The following NTRK2 variants were observed in gnomAD, a reference collection of about 807,000 sequenced individuals.
NTRK2 encodes BDNF/NT-3 growth factors receptor.
NTRK2 carries 13 observed loss-of-function variants against 94.5 expected under a neutral mutation model. The ratio of observed to expected loss-of-function variants is 0.14; its 90% CI spans 0.09 to 0.22. NTRK2 has a LOEUF of 0.22. NTRK2 is among the 10% of genes least tolerant of loss of function. NTRK2 has a pLI of 1.00. For synonymous variants in NTRK2, 372 were observed against 407.4 expected, an observed-to-expected ratio of 0.91 and a Z score of 1.05; for missense variants, 639 against 1,071.2, an observed-to-expected ratio of 0.60 and a Z score of 5.63.
chr9:84,888,630 A>G (rs1587833212), intron 14 of NTRK2, among the ~76,000 whole-genome samples: 3 of 144,970 alleles, frequency 2.1e-5, no homozygotes, highest in East Asian at 4.0e-4. Flanking sequence ...AAAAAAAAAA[A>G]AAAAAAAAAA....
At chr9:84,700,707 G>A (rs1056831488) in intron 2 of NTRK2, among the ~76,000 whole-genome samples, 1 of 152,150 alleles carries the variant, frequency 6.6e-6, no homozygotes, top group African/African-American at 2.4e-5. Context: ...TATAGATGCT[G>A]TGTGTTCCTC....
chr9:84,866,355 T>A (rs1410090323), intron 13 of NTRK2, among the ~76,000 whole-genome samples: 1 of 152,218 alleles, frequency 6.6e-6, no homozygotes, highest in South Asian at 2.1e-4. Context: ...CTCGTTCTAG[T>A]GTCATAAAAT....
intron 12 of NTRK2, among the ~76,000 whole-genome samples, chr9:84,860,587 C>A (rs2075286909): frequency 6.6e-6 from 1 of 152,140 alleles, no homozygotes; most frequent in African/African-American, 2.4e-5. Flanking sequence ...CACATTGCTG[C>A]GGTTCAGAAC....
intron 14 of NTRK2, chr9:84,874,036 A>G (rs1177527589): frequency 2.8e-6 from 3 of 1,063,948 alleles, no homozygotes; most frequent in Non-Finnish European, 3.4e-6. Flanking sequence ...GAAGCATCCC[A>G]GCAGATGGAG....
At chr9:84,993,894 C>T (rs1829404096) in intron 17 of NTRK2, among the ~76,000 whole-genome samples, 1 of 152,214 alleles carries the variant, frequency 6.6e-6, no homozygotes, top group Non-Finnish European at 1.5e-5. Flanking sequence ...GCTTATTCTT[C>T]AGGTCTTGCT....
intron 11 of NTRK2, among the ~76,000 whole-genome samples, chr9:84,746,687 C>G (rs917815411): frequency 6.6e-6 from 1 of 152,090 alleles, no homozygotes; most frequent in Non-Finnish European, 1.5e-5. Context: ...TGCTTGCCAC[C>G]TGCCTTTTTC....
chr9:84,900,882 CT>C (rs917043596), intron 14 of NTRK2, among the ~76,000 whole-genome samples: 4 of 152,178 alleles, frequency 2.6e-5, no homozygotes, highest in East Asian at 3.9e-4. Context: ...AGTACAGAAA[CT>C]TTTTTTTCTT....
chr9:84,690,098 T>A lies in NTRK2; in HGVS notation c.213-12061T>A, dbSNP rs182798048. Among the ~76,000 whole-genome samples the A allele has an allele frequency of 3.5e-4, 54 of 152,294 alleles. No individual in the cohort carries two copies. The East Asian group carries it at 6.6e-3, about 19-fold the overall frequency. ...CTATAAAAATGACTGAAGGTTAACA[T>A]GAGAAGTGAAATGCTGAAGATAAAA... On this transcript the variant is annotated intron_variant, in intron 2 of 18. Transcript: ENST00000277120.
At chr9:84,769,419 A>G (rs1025453340) in intron 12 of NTRK2, among the ~76,000 whole-genome samples, 4 of 152,176 alleles carry the variant, frequency 2.6e-5, no homozygotes, top group African/African-American at 4.8e-5. Flanking sequence ...TTTCCTTTCT[A>G]TAGATAAAGA....
At chr9:84,678,308 G>A (rs1186266103) in intron 2 of NTRK2, among the ~76,000 whole-genome samples, 3 of 152,260 alleles carry the variant, frequency 2.0e-5, no homozygotes, top group Non-Finnish European at 4.4e-5. Context: ...CCTGTTAGCC[G>A]ACCTGGTCAC....
intron 14 of NTRK2, among the ~76,000 whole-genome samples, chr9:84,882,719 T>TGTGTGTGTGC (rs761042296): frequency 6.9e-6 from 1 of 145,742 alleles, no homozygotes; most frequent in South Asian, 2.1e-4. Flanking sequence ...TGTGTGTGTG[T>TGTGTGTGTGC]GCGCGCGCGC....
chr9:84,782,238 C>A (rs1371047170), intron 12 of NTRK2, among the ~76,000 whole-genome samples: 1 of 152,164 alleles, frequency 6.6e-6, no homozygotes, highest in Non-Finnish European at 1.5e-5. Context: ...TGCCAGGACT[C>A]ATGTTTTTAT....
chr9:84,736,896 C>T (rs537796766), intron 9 of NTRK2, among the ~76,000 whole-genome samples: 1 of 152,350 alleles, frequency 6.6e-6, no homozygotes, highest in East Asian at 1.9e-4. Context: ...GCGCTGAGTT[C>T]AGCCTGCCCT....
chr9:84,781,601 A>T (rs533060325), intron 12 of NTRK2, among the ~76,000 whole-genome samples: 1 of 152,272 alleles, frequency 6.6e-6, no homozygotes, highest in East Asian at 1.9e-4. Context: ...AACAATACCT[A>T]TTTTCAATGA....
At chr9:84,999,194 G>A (rs1017401659) in intron 17 of NTRK2, among the ~76,000 whole-genome samples, 17 of 69,094 alleles carry the variant, frequency 2.5e-4, no homozygotes, top group African/African-American at 7.4e-4. Flanking sequence ...CCCACTGAAC[G>A]TACTTTTGGT....
chr9:84,897,122 G>A (rs1471569707), intron 14 of NTRK2, among the ~76,000 whole-genome samples: 3 of 151,210 alleles, frequency 2.0e-5, no homozygotes, highest in Non-Finnish European at 4.4e-5. Context: ...AACCTTGAGA[G>A]GACCCTTCTG....
intron 14 of NTRK2, among the ~76,000 whole-genome samples, chr9:84,900,190 G>A (rs1188589903): frequency 6.6e-6 from 1 of 152,152 alleles, no homozygotes; most frequent in African/African-American, 2.4e-5. Flanking sequence ...CCATGATCAC[G>A]TTCGGAAAAT....
At position 84,970,645 on chromosome 9, in the gene NTRK2, C is replaced by T. The variant is rs564265571; in HGVS notation, c.2172+15128C>T. Among the ~76,000 whole-genome samples, 5 of 152,256 alleles carry T rather than the reference C, an allele frequency of 3.3e-5. 1 individual carries two copies. The South Asian group carries it at 1.0e-3, about 32-fold the overall frequency. ...GGTGTTTGGTTAGCTGTGAATTCAG[C>T]CCACATTACTCCACCTCTCAAGGAT... is the stretch of plus-strand genomic sequence containing the variant. On this transcript the variant is annotated intron_variant, in intron 17 of 18. Coordinates refer to ENST00000277120, the MANE Select transcript of NTRK2 (RefSeq NM_006180.6).
chr9:84,854,875 A>G (rs998967749), intron 12 of NTRK2, among the ~76,000 whole-genome samples: 1 of 138,286 alleles, frequency 7.2e-6, no homozygotes, highest in African/African-American at 2.7e-5. Flanking sequence ...TAAACCCAGG[A>G]GGCAGAAATT....
Sources: allele counts gnomAD v4.1 joint callset (sites outside exome capture counted in the v4.1 genomes callset), GRCh38; gene constraint gnomAD v4.1.1; transcripts MANE v1.5; gene names NCBI Gene and HGNC (gene_info 2026-07-23, HGNC 2026-07-21).